TNNT1: variants seen among roughly 807,000 people sequenced by gnomAD.
TNNT1 encodes troponin T1, slow skeletal type, also known as troponin T, slow skeletal muscle.
Under a neutral mutation model 50.6 loss-of-function variants are expected in TNNT1, and 53 were observed. The observed-to-expected ratio is 1.05, with a 90% CI of 0.84 to 1.32. The LOEUF is 1.32. Ranked by LOEUF, TNNT1 falls within the 40% of genes most tolerant of loss-of-function variation. The pLI, the probability that TNNT1 is intolerant of heterozygous loss-of-function variation, is 0.00. For missense variants in TNNT1, 348 were observed against 381.7 expected, an observed-to-expected ratio of 0.91 and a Z score of 0.74; for synonymous variants, 142 against 138.0, an observed-to-expected ratio of 1.03 and a Z score of -0.20.
chr19:55,133,237 T>TG lies in TNNT1; in HGVS notation c.792-278dup, dbSNP rs1176464414. ...AATGTTTATGAGTCAGGGGCCAGGG[T>TG]GGGGGGAGGAAGGGTTGGATGATCT... On this transcript the variant is annotated intron_variant, in intron 13 of 13. Coordinates refer to ENST00000588981, the MANE Select transcript of TNNT1 (RefSeq NM_003283.6). Among the ~76,000 whole-genome samples, 299 of 87,502 alleles carry TG rather than the reference T, an allele frequency of 3.4e-3. 1 individual carries two copies. The highest frequency in any genetic ancestry group is 0.014 in the African/African-American group (282 of 20,598). The allele number at this position is 87,502 out of a possible 152,430, so 57.4% of individuals were successfully genotyped here.
chr19:55,134,013 TCCCAG>T (rs1394989278), intron 12 of TNNT1, 48 bp downstream of exon 12: 1 of 1,605,910 alleles, frequency 6.2e-7, no homozygotes, highest in Admixed American at 1.7e-5. Context: ...TGCTGGTCCC[TCCCAG>T]CCCAGCCCTG....
chr19:55,139,530 G>A (rs996565549), intron 9 of TNNT1, among the ~76,000 whole-genome samples: 1 of 152,112 alleles, frequency 6.6e-6, no homozygotes, highest in Non-Finnish European at 1.5e-5. Flanking sequence ...ATCTTCAGAG[G>A]CAGCCATGCA....
At chr19:55,140,042 T>C (rs1440330044) in intron 9 of TNNT1, among the ~76,000 whole-genome samples, 6 of 151,778 alleles carry the variant, frequency 4.0e-5, no homozygotes, top group African/African-American at 1.5e-4. Flanking sequence ...GGGAATTGCT[T>C]GAACCAGGAG....
intron 3 of TNNT1, 87 bp from the exon 4 acceptor site, chr19:55,146,794 T>C: frequency 8.3e-7 from 1 of 1,203,236 alleles, no homozygotes; most frequent in Non-Finnish European, 1.1e-6. Flanking sequence ...CAGTCTCTGC[T>C]GGACGGGGGT....
At chr19:55,145,284 G>C in intron 6 of TNNT1, 1 of 537,544 alleles carries the variant, frequency 1.9e-6, no homozygotes, top group Non-Finnish European at 3.3e-6. Flanking sequence ...TAACAGGGTG[G>C]AGACTATGAC....
At chr19:55,144,066 C>CT (rs2085504914) in intron 6 of TNNT1, among the ~76,000 whole-genome samples, 1 of 145,154 alleles carries the variant, frequency 6.9e-6, no homozygotes, top group African/African-American at 2.6e-5. Flanking sequence ...CACCCCACCC[C>CT]ACCCCCTTTT....
intron 6 of TNNT1, among the ~76,000 whole-genome samples, chr19:55,144,750 C>G (rs1459709425): frequency 6.6e-6 from 1 of 152,190 alleles, no homozygotes; most frequent in Non-Finnish European, 1.5e-5. Flanking sequence ...AGGCAGATGC[C>G]GGAAAGGTCC....
intron 6 of TNNT1, 157 bp downstream of exon 6, chr19:55,145,387 G>A (rs2085529761): frequency 1.4e-6 from 1 of 690,444 alleles, no homozygotes; most frequent in Non-Finnish European, 2.6e-6. Context: ...GAGGAGGGAG[G>A]AGGGAAAGGG....
rs1036494597 is a variant in TNNT1 at position 55,133,433 on chromosome 19, A to G, written c.791+454T>C. On this transcript the variant is annotated intron_variant, in intron 13 of 13. Transcript: ENST00000588981. ...GGTGGCTCACGCCTGTAATCCCAGC[A>G]CTTTAGGAGGCCAAGGCGGGTGGAT... 3.7e-5 allele frequency: 11 copies of G among 301,076 alleles called. No individual in the cohort carries two copies. In the Admixed American group the frequency reaches 5.4e-4, roughly 15 times the overall value. 18.7% of individuals were successfully genotyped at this position (301,076 alleles called of 1,614,324 possible). A position where few individuals can be genotyped will look rare whatever the true frequency, so the allele number is the denominator to read the frequency against.
chr19:55,145,036 G>A (rs1222077807), intron 6 of TNNT1, among the ~76,000 whole-genome samples: 1 of 151,264 alleles, frequency 6.6e-6, no homozygotes, highest in African/African-American at 2.4e-5. Context: ...GCTTGCGCCT[G>A]TAATCCCAGC....
At chr19:55,143,355 G>T (rs1409630444) in intron 6 of TNNT1, among the ~76,000 whole-genome samples, 1 of 152,136 alleles carries the variant, frequency 6.6e-6, no homozygotes, top group African/African-American at 2.4e-5. Context: ...CTATTGGGTG[G>T]TGCCGCTCTG....
At chr19:55,135,182 C>CT (rs1264357727) in intron 11 of TNNT1, among the ~76,000 whole-genome samples, 1 of 150,868 alleles carries the variant, frequency 6.6e-6, no homozygotes, top group African/African-American at 2.5e-5. Flanking sequence ...CCAAAAGAGA[C>CT]TGTGTGGCTC....
At chr19:55,135,385 C>T in intron 11 of TNNT1, 6 of 224,524 alleles carry the variant, frequency 2.7e-5, no homozygotes, top group South Asian at 7.7e-5. Context: ...CCTTTCCTTC[C>T]TTCCTTCCTT....
chr19:55,133,379 A>C (rs1244699793), intron 13 of TNNT1, among the ~76,000 whole-genome samples: 3 of 151,796 alleles, frequency 2.0e-5, no homozygotes, highest in African/African-American at 7.3e-5. Flanking sequence ...AAACAGAGAG[A>C]TTCAGGGAAG....
In TNNT1 at chr19:55,146,690, C is replaced by T. The variant is rs780818699; in HGVS notation, c.64G>A (p.Glu22Lys). ...EQPEEEAAEEEEEAPEEPEPV... is the reference protein window; with the variant it reads ...EQPEEEAAEEKEEAPEEPEPV... Reference sequence around the variant, plus strand: ...GAGTCCGGGACCTCACCTTCCTCCTCCTCCTCCGCAGCCTCCTCTGGAGAT... The same window carrying T: ...GAGTCCGGGACCTCACCTTCCTCCTTCTCCTCCGCAGCCTCCTCTGGAGAT... Residue 22 changes from glutamate (E) to lysine (K), a missense_variant, in exon 4 of 14, where the codon GAG (glutamate) becomes AAG (lysine). Physicochemically the swap from Glu to Lys is moderately conservative, Grantham distance 56. This residue lies in a region of TNNT1 where 90 missense variants were observed against 70.8 expected (regional missense o/e 1.27). Transcript: ENST00000588981. 3 of 1,499,092 alleles carry T rather than the reference C, an allele frequency of 2.0e-6. No homozygotes were observed. The highest frequency in any genetic ancestry group is 2.7e-5 in the South Asian group (2 of 75,122). The allele number at this position is 1,499,092 out of a possible 1,614,324, so 92.9% of individuals were successfully genotyped here. A position where few individuals can be genotyped will look rare whatever the true frequency, so the allele number is the denominator to read the frequency against.
rs2085579744 is a variant in TNNT1 at position 55,147,287 on chromosome 19, TGTGAGAGAGGAGGAG to T, written c.-11-134_-11-120del. ...GGACTCCTGGGTCTGGACTCCTGGG[TGTGAGAGAGGAGGAG>T]CTGGGGTCTGGACTCCTGGGTGTGA... On this transcript the variant is annotated intron_variant, in intron 1 of 13. Coordinates refer to ENST00000588981, the MANE Select transcript of TNNT1 (RefSeq NM_003283.6). 6 of 862,656 alleles carry T rather than the reference TGTGAGAGAGGAGGAG, an allele frequency of 7.0e-6. No individual in the cohort carries two copies. In the East Asian group the frequency reaches 1.5e-4, roughly 21 times the overall value. 53.4% of individuals were successfully genotyped at this position (862,656 alleles called of 1,614,324 possible). A position where few individuals can be genotyped will look rare whatever the true frequency, so the allele number is the denominator to read the frequency against.
chr19:55,133,811 C>T, intron 13 of TNNT1, 76 bp downstream of exon 13: 1 of 1,565,590 alleles, frequency 6.4e-7, no homozygotes, highest in Non-Finnish European at 8.8e-7. Context: ...ATGGAGCCCA[C>T]AGAGGGAGGG....
At chr19:55,142,887 G>T (rs2085484522) in intron 6 of TNNT1, among the ~76,000 whole-genome samples, 1 of 151,424 alleles carries the variant, frequency 6.6e-6, no homozygotes, top group Admixed American at 6.6e-5. Flanking sequence ...TCACAGCCTG[G>T]GCGCGGTGGC....
Position 55,137,081 on chromosome 19 carries a change from C to G in TNNT1, c.611+22G>C, listed in dbSNP as rs1468212807. 1.6e-5 allele frequency: 23 copies of G among 1,420,098 alleles called. No homozygotes were observed. In the East Asian group the frequency reaches 5.3e-4, roughly 33 times the overall value. 88.0% of individuals were successfully genotyped at this position (1,420,098 alleles called of 1,614,324 possible). A position where few individuals can be genotyped will look rare whatever the true frequency, so the allele number is the denominator to read the frequency against. On this transcript the variant is annotated intron_variant, in intron 11 of 13. Transcript: ENST00000588981. ...TGTCTCACACCCAGGCCCCTACACC[C>G]CGAGCCCCCCACAGCACCTACCGGA... is the stretch of plus-strand genomic sequence containing the variant.
Sources: gnomAD v4.1 joint callset for allele counts (sites outside exome capture counted in the v4.1 genomes callset) on GRCh38, gnomAD v4.1.1 for gene constraint, gnomAD v4.1.1 regional missense constraint, MANE v1.5 for transcripts, NCBI Gene and HGNC (gene_info 2026-07-23, HGNC 2026-07-21) for gene names.